The following MSN variants were observed in gnomAD, a reference collection of about 807,000 sequenced individuals.
MSN encodes epididymis luminal protein 70.
In MSN, 2 loss-of-function variants were observed where a neutral mutation model predicts 48.0. The ratio of observed to expected loss-of-function variants is 0.04; its 90% CI spans 0.02 to 0.13. The LOEUF (loss-of-function observed/expected upper bound fraction) is 0.13, where lower values mean the gene tolerates loss of function less well. Among genes scored for constraint, MSN ranks in the 10% least tolerant of loss-of-function variants. MSN has a pLI of 1.00. For missense variants in MSN, 267 were observed against 470.1 expected, an observed-to-expected ratio of 0.57 and a Z score of 3.99; for synonymous variants, 146 against 166.9, an observed-to-expected ratio of 0.87 and a Z score of 0.97.
At chrX:65,679,035 C>T (rs2071029627) in intron 1 of MSN, among the ~76,000 whole-genome samples, 1 of 111,618 alleles carries the variant, frequency 9.0e-6, no homozygotes, top group African/African-American at 3.3e-5. Context: ...AAGCAGCCCC[C>T]TCTATTTCAG....
At chrX:65,616,836 T>G (rs1231040708) in intron 1 of MSN, among the ~76,000 whole-genome samples, 3 of 110,148 alleles carry the variant, frequency 2.7e-5, no homozygotes, top group Non-Finnish European at 3.8e-5. Flanking sequence ...TGATATTGGC[T>G]GTGGGTTTGT....
At chrX:65,645,568 G>A (rs1291171091) in intron 1 of MSN, among the ~76,000 whole-genome samples, 3 of 111,133 alleles carry the variant, frequency 2.7e-5, no homozygotes, top group Non-Finnish European at 1.9e-5. Context: ...ATTGTGAAGA[G>A]TGAGTATGAG....
chrX:65,664,375 A>T (rs1192272444), upstream of MSN, among the ~76,000 whole-genome samples: 1 of 112,020 alleles, frequency 8.9e-6, no homozygotes, highest in Non-Finnish European at 1.9e-5. Context: ...TACTATGCTC[A>T]CTACCTGAGT....
chrX:65,705,060 C>T (rs1302473857), intron 1 of MSN, among the ~76,000 whole-genome samples: 2 of 110,823 alleles, frequency 1.8e-5, no homozygotes, highest in East Asian at 5.7e-4. Flanking sequence ...TGTGAGCCAC[C>T]GCGCCCAGCC....
intron 1 of MSN, among the ~76,000 whole-genome samples, chrX:65,686,125 TG>T (rs1307712687): frequency 9.7e-5 from 11 of 112,863 alleles, no homozygotes; most frequent in Non-Finnish European, 2.1e-4. Flanking sequence ...TAGTGATTTG[TG>T]AAATACAAAT....
intron 1 of MSN, among the ~76,000 whole-genome samples, chrX:65,674,456 C>A (rs752031369): frequency 9.0e-6 from 1 of 111,261 alleles, no homozygotes; most frequent in South Asian, 3.8e-4. Context: ...AAGATGGGTA[C>A]AATGGAGTTC....
chrX:65,711,293 CA>C (rs1482505948), intron 1 of MSN, among the ~76,000 whole-genome samples: 1 of 111,473 alleles, frequency 9.0e-6, no homozygotes, highest in African/African-American at 3.3e-5. Context: ...CTCCAGACAT[CA>C]GGTGATCCAC....
rs532038924 is a variant in MSN, at chrX:65,715,140, C to A, written c.13-1678C>A. On this transcript the variant is annotated intron_variant, in intron 1 of 12. Coordinates refer to ENST00000360270, the MANE Select transcript of MSN (RefSeq NM_002444.3). ...AGATCAGATGGTTGTAGGTGTGTGG[C>A]CTTATTTCTGGGCTCTCTATTCTGC... is the stretch of plus-strand genomic sequence containing the variant. 1.6e-4 allele frequency among the ~76,000 whole-genome samples: 18 copies of A among 110,498 alleles called. No homozygotes were observed. In the South Asian group the frequency reaches 3.9e-3, roughly 24 times the overall value.
chrX:65,670,966 C>A (rs1281329469), intron 1 of MSN, among the ~76,000 whole-genome samples: 1 of 73,864 alleles, frequency 1.4e-5, no homozygotes, highest in African/African-American at 5.1e-5. Flanking sequence ...TTAAAAAGGC[C>A]TTTCCCCCTC....
At position 65,720,063 on chromosome X, in the gene MSN, T is replaced by A. The variant is rs756140820; in HGVS notation, c.96+3162T>A. Among the ~76,000 whole-genome samples the A allele has an allele frequency of 3.6e-5, 4 of 111,264 alleles. No individual in the cohort carries two copies. In the South Asian group the frequency reaches 1.5e-3, roughly 42 times the overall value. ...GCTACTGCTTCCAAAACAAAGCCTTTGGGAGACTTGGAAACCAAGAAGTCC... is the reference window on the plus strand; with the variant it reads ...GCTACTGCTTCCAAAACAAAGCCTTAGGGAGACTTGGAAACCAAGAAGTCC... On this transcript the variant is annotated intron_variant, in intron 2 of 12. Transcript: ENST00000360270.
chrX:65,602,203 T>C (rs1171304152), intron 1 of MSN, among the ~76,000 whole-genome samples: 1 of 112,368 alleles, frequency 8.9e-6, no homozygotes, highest in African/African-American at 3.2e-5. Flanking sequence ...TGTTGTGCTG[T>C]CTGTGTGTGG....
chrX:65,617,656 A>G (rs1488349780), intron 1 of MSN, among the ~76,000 whole-genome samples: 1 of 97,590 alleles, frequency 1.0e-5, no homozygotes, highest in Non-Finnish European at 2.0e-5. Context: ...TCAAAAAACC[A>G]GCTCCTGGAT....
At chrX:65,720,157 T>G (rs2071503511) in intron 2 of MSN, among the ~76,000 whole-genome samples, 1 of 112,178 alleles carries the variant, frequency 8.9e-6, no homozygotes, top group East Asian at 2.8e-4. Flanking sequence ...TATTCCTGGC[T>G]AGGCGCTTTA....
intron 1 of MSN, among the ~76,000 whole-genome samples, chrX:65,622,494 G>A (rs913358709): frequency 1.9e-5 from 2 of 104,335 alleles, no homozygotes; most frequent in Non-Finnish European, 3.9e-5. Context: ...TAGCAGTGAT[G>A]AAGCTAGGCA....
At chrX:65,720,407 C>A (rs979138201) in intron 2 of MSN, among the ~76,000 whole-genome samples, 3 of 112,366 alleles carry the variant, frequency 2.7e-5, no homozygotes, top group African/African-American at 9.7e-5. Flanking sequence ...CAGTCACATT[C>A]TGTGAGTCAG....
intron 1 of MSN, chrX:65,588,641 G>T: frequency 1.3e-6 from 1 of 793,757 alleles, no homozygotes; most frequent in Non-Finnish European, 1.5e-6. Context: ...GCTGAGGGTT[G>T]GGAGAGGTTC....
chrX:65,625,889 C>A (rs1478986666), intron 1 of MSN: 1 of 108,198 alleles, frequency 9.2e-6, no homozygotes, highest in Non-Finnish European at 1.9e-5. Flanking sequence ...ATATATCTGT[C>A]CTGATTTTCA....
chrX:65,723,472 C>T (rs1488586908), intron 2 of MSN, among the ~76,000 whole-genome samples: 18 of 110,906 alleles, frequency 1.6e-4, no homozygotes, highest in Admixed American at 1.5e-3. Flanking sequence ...GGCTCAGATC[C>T]GATAAGCTGG....
chrX:65,599,372 C>T (rs1393742101), intron 1 of MSN, among the ~76,000 whole-genome samples: 2 of 112,491 alleles, frequency 1.8e-5, no homozygotes, highest in Admixed American at 9.4e-5. Flanking sequence ...CAGTGGCTCA[C>T]GCCCATAATC....
Sources: gnomAD v4.1 joint callset for allele counts (sites outside exome capture counted in the v4.1 genomes callset) on GRCh38, gnomAD v4.1.1 for gene constraint, MANE v1.5 for transcripts, NCBI Gene and HGNC (gene_info 2026-07-23, HGNC 2026-07-21) for gene names.